AKR1C3: variants seen among roughly 807,000 people sequenced by gnomAD.
The protein encoded by AKR1C3 is aldo-keto reductase family 1 member C3.
Under a neutral mutation model 43.6 loss-of-function variants are expected in AKR1C3, and 48 were observed. The observed-to-expected ratio is 1.10, with a 90% CI of 0.87 to 1.40. The LOEUF is 1.40. Ranked by LOEUF, AKR1C3 falls within the 40% of genes most tolerant of loss-of-function variation. AKR1C3 has a pLI of 0.00. For synonymous variants in AKR1C3, 162 were observed against 139.6 expected (o/e 1.16, Z -1.13); for missense variants, 482 against 391.2 (o/e 1.23, Z -1.96).
chr10:5,066,709 G>T (rs1249616443), intron 1 of AKR1C3, among the ~76,000 whole-genome samples: 13 of 152,158 alleles, frequency 8.5e-5, no homozygotes, highest in Admixed American at 2.0e-4. Context: ...ACTTAACTTA[G>T]CAGTCTCATC....
chr10:5,076,725 T>TG (rs1739286439), intron 1 of AKR1C3, among the ~76,000 whole-genome samples: 1 of 152,180 alleles, frequency 6.6e-6, no homozygotes, highest in Non-Finnish European at 1.5e-5. Context: ...TTTTAGGCTC[T>TG]ATAAGACATA....
At chr10:5,065,154 A>T (rs1284844142) in intron 1 of AKR1C3, among the ~76,000 whole-genome samples, 1 of 152,194 alleles carries the variant, frequency 6.6e-6, no homozygotes, top group African/African-American at 2.4e-5. Flanking sequence ...ACACTTATAC[A>T]CTGCTGGTGT....
upstream of AKR1C3, among the ~76,000 whole-genome samples, chr10:5,090,918 G>A (rs1839074201): frequency 1.3e-5 from 2 of 152,142 alleles, no homozygotes; most frequent in Admixed American, 1.3e-4. Context: ...AATAGGACAA[G>A]TAAGATGGAG....
chr10:5,067,389 G>A (rs1838529746), intron 1 of AKR1C3, among the ~76,000 whole-genome samples: 1 of 152,188 alleles, frequency 6.6e-6, no homozygotes, highest in South Asian at 2.1e-4. Flanking sequence ...GGGCTCCAAT[G>A]AGTGTACAAT....
chr10:5,065,147 C>G (rs972864532), intron 1 of AKR1C3, among the ~76,000 whole-genome samples: 2 of 152,132 alleles, frequency 1.3e-5, no homozygotes, highest in East Asian at 1.9e-4. Flanking sequence ...AAAGAGAACA[C>G]TTATACACTG....
chr10:5,075,176 T>C lies in AKR1C3; in HGVS notation c.85-21234T>C, dbSNP rs1308718914. On this transcript the variant is annotated intron_variant, in intron 1 of 8. Coordinates refer to the AKR1C3 transcript ENST00000439082. Reference sequence around the variant, plus strand: ...CCCATGTTGCCACTACAATCTGTTTTGCCAAGATTTAAGTCCCTCTCTCAT... The same window carrying C: ...CCCATGTTGCCACTACAATCTGTTTCGCCAAGATTTAAGTCCCTCTCTCAT... Among the ~76,000 whole-genome samples the C allele has an allele frequency of 1.3e-5, 2 of 151,544 alleles. 1 individual carries two copies. Among genetic ancestry groups the C allele is most frequent in the African/African-American group, 4.8e-5 (2 of 41,326 alleles).
At chr10:5,056,532 G>A (rs900016011) in intron 1 of AKR1C3, among the ~76,000 whole-genome samples, 6 of 152,176 alleles carry the variant, frequency 3.9e-5, no homozygotes, top group African/African-American at 1.4e-4. Flanking sequence ...GCTTTCAAAT[G>A]TTTAACAATA....
Position 5,050,273 on chromosome 10 carries a change from G to C in AKR1C3, c.84+1378G>C, listed in dbSNP as rs988759771. On this transcript the variant is annotated intron_variant, in intron 1 of 8. Transcript: ENST00000439082. ...TGCCTCCAGAAAGGCTGCCTTAGTG[G>C]AGTGAATAGGAGCACTTGGATTTAA... 3.3e-5 allele frequency among the ~76,000 whole-genome samples: 5 copies of C among 152,308 alleles called. No individual in the cohort carries two copies. In the East Asian group the frequency reaches 9.6e-4, roughly 29 times the overall value.
intron 6 of AKR1C3, 117 bp from the exon 7 acceptor site, chr10:5,102,368 C>T: frequency 1.3e-6 from 2 of 1,580,034 alleles, no homozygotes; most frequent in Non-Finnish European, 8.6e-7. Context: ...GATGGTGATG[C>T]TCGGGGGCCT....
rs1168158157 is a variant in AKR1C3, at chr10:5,099,386, C to T, written c.507C>T (p.Asn169=). The T allele has an allele frequency of 9.9e-6, 16 of 1,614,066 alleles. No individual in the cohort carries two copies. The highest frequency in any genetic ancestry group is 1.3e-5 in the Non-Finnish European group (15 of 1,180,046). The part of the protein sequence containing the change: ...LAKSIGVSNF[N]RRQLEMILNK... Reference sequence around the variant, plus strand: ...AGTCCATTGGGGTGTCAAACTTCAACCGCAGGCAGCTGGAGATGATCCTCA... The same window carrying T: ...AGTCCATTGGGGTGTCAAACTTCAATCGCAGGCAGCTGGAGATGATCCTCA... Residue 169 remains asparagine, a synonymous_variant, in exon 5 of 9, where the codon AAC becomes AAT. Transcript: ENST00000380554.
Position 5,096,434 on chromosome 10 carries a change from G to A in AKR1C3, c.109G>A (p.Val37Ile). Reference protein sequence around the residue: ...PEVPRSKALEVTKLAIEAGFR... With the variant: ...PEVPRSKALEITKLAIEAGFR... ...GGTTCCGAGAAGTAAAGCTTTGGAG[G>A]TCACAAAATTAGCAATAGAAGCTGG... Residue 37 changes from valine (V) to isoleucine (I), a missense_variant, in exon 2 of 9, where the codon GTC (valine) becomes ATC (isoleucine). Val to Ile is a conservative substitution (Grantham distance 29, BLOSUM62 3). Transcript: ENST00000380554. 1.9e-6 allele frequency: 3 copies of A among 1,613,432 alleles called. No individual in the cohort carries two copies. Among genetic ancestry groups the A allele is most frequent in the Non-Finnish European group, 2.5e-6 (3 of 1,179,528 alleles).
chr10:5,102,811 G>T (rs991939505), intron 7 of AKR1C3, among the ~76,000 whole-genome samples, 161 bp downstream of exon 7: 4 of 152,114 alleles, frequency 2.6e-5, no homozygotes, highest in Non-Finnish European at 4.4e-5. Flanking sequence ...CTCTACCACG[G>T]GAGAGGCAGC....
At position 5,065,180 on chromosome 10, in the gene AKR1C3, G is replaced by A. The variant is rs556736651; in HGVS notation, c.84+16285G>A. 2.0e-5 allele frequency among the ~76,000 whole-genome samples: 3 copies of A among 152,112 alleles called. No individual in the cohort carries two copies. In the East Asian group the frequency reaches 5.8e-4, roughly 29 times the overall value. ...CTGCTGGTGTATTAGTTCAACCATT[G>A]TAGAAAGCAGTGTGGTGATTTCTCA... is the stretch of plus-strand genomic sequence containing the variant. On this transcript the variant is annotated intron_variant, in intron 1 of 8. Transcript: ENST00000439082.
At chr10:5,060,546 A>G (rs1305245367) in intron 1 of AKR1C3, among the ~76,000 whole-genome samples, 2 of 152,184 alleles carry the variant, frequency 1.3e-5, no homozygotes, top group African/African-American at 2.4e-5. Context: ...CAGAGTGCCA[A>G]TTGGTGTATT....
chr10:5,057,398 T>A (rs1384099506), intron 1 of AKR1C3, among the ~76,000 whole-genome samples: 1 of 152,234 alleles, frequency 6.6e-6, no homozygotes, highest in African/African-American at 2.4e-5. Flanking sequence ...AGTTGCCAGG[T>A]TTAATAATGC....
At chr10:5,088,060 G>C (rs1319826242) in intron 1 of AKR1C3, among the ~76,000 whole-genome samples, 2 of 152,034 alleles carry the variant, frequency 1.3e-5, no homozygotes, top group African/African-American at 4.8e-5. Flanking sequence ...GTTGAATTCT[G>C]AATTTCATTC....
At chr10:5,079,356 G>A (rs1838781137) in intron 1 of AKR1C3, among the ~76,000 whole-genome samples, 1 of 151,922 alleles carries the variant, frequency 6.6e-6, no homozygotes, top group Admixed American at 6.6e-5. Context: ...GCTGTTAAGA[G>A]GGGCTACAAT....
At chr10:5,106,828 G>T (rs745518751) in intron 8 of AKR1C3, among the ~76,000 whole-genome samples, 1 of 151,918 alleles carries the variant, frequency 6.6e-6, no homozygotes, top group Non-Finnish European at 1.5e-5. Context: ...GATAGTGTGT[G>T]AAAAAGCATA....
At chr10:5,054,853 G>T (rs1417368841) in intron 1 of AKR1C3, among the ~76,000 whole-genome samples, 1 of 152,050 alleles carries the variant, frequency 6.6e-6, no homozygotes, top group Non-Finnish European at 1.5e-5. Context: ...TTATGCTGCT[G>T]TTCTCCCCTC....
Sources: allele counts gnomAD v4.1 joint callset (sites outside exome capture counted in the v4.1 genomes callset), GRCh38; gene constraint gnomAD v4.1.1; transcripts MANE v1.5; gene names NCBI Gene and HGNC (gene_info 2026-07-23, HGNC 2026-07-21).